The following ZFYVE26 variants were observed in gnomAD, a reference collection of about 807,000 sequenced individuals.
The protein encoded by ZFYVE26 is zinc finger FYVE-type containing 26.
In ZFYVE26, 181 loss-of-function variants were observed where a neutral mutation model predicts 276.5. That is an observed-to-expected ratio of 0.65 (90% CI 0.58 to 0.74). The LOEUF is 0.74. Among genes scored for constraint, ZFYVE26 ranks in the 30% least tolerant of loss-of-function variants. The pLI, the probability that ZFYVE26 is intolerant of heterozygous loss-of-function variation, is 0.00. For missense variants in ZFYVE26, 2,821 were observed against 3,097.9 expected, an observed-to-expected ratio of 0.91 and a Z score of 2.12; for synonymous variants, 1,129 against 1,203.1, an observed-to-expected ratio of 0.94 and a Z score of 1.27.
intron 16 of ZFYVE26, among the ~76,000 whole-genome samples, chr14:67,788,664 TCTC>T (rs543224331): frequency 3.0e-4 from 46 of 152,268 alleles, no homozygotes; most frequent in African/African-American, 1.1e-3. Context: ...TCTTGAGAGT[TCTC>T]CTAGAGAATC....
chr14:67,774,531 G>A (rs988045985), intron 27 of ZFYVE26, among the ~76,000 whole-genome samples: 3 of 152,136 alleles, frequency 2.0e-5, no homozygotes, highest in African/African-American at 7.2e-5. Context: ...GATGGGGATG[G>A]TAGCGGACAG....
At chr14:67,730,595 A>G (rs867724871) in intron 13 of ZFYVE26, among the ~76,000 whole-genome samples, 7 of 152,280 alleles carry the variant, frequency 4.6e-5, no homozygotes, top group South Asian at 2.1e-4. Flanking sequence ...AATCCTAAAT[A>G]CTTCTGATCC....
intron 14 of ZFYVE26, among the ~76,000 whole-genome samples, chr14:67,791,677 G>A (rs550052094): frequency 5.9e-5 from 9 of 151,326 alleles, no homozygotes; most frequent in South Asian, 4.2e-4. Flanking sequence ...AAAAGACCAC[G>A]GCTCAAGAAA....
Position 67,789,615 on chromosome 14 carries a change from G to C in ZFYVE26, c.2756-17C>G. On this transcript the variant is annotated splice_polypyrimidine_tract_variant and intron_variant, in intron 15 of 41. Coordinates refer to ENST00000347230, the MANE Select transcript of ZFYVE26 (RefSeq NM_015346.4). ...ACACCATTCCTGGCCGCCCAGCAGA[G>C]GAATAAAAAGCAAAGGGTTAAAAGG... 6.2e-7 allele frequency: 1 copy of C among 1,613,886 alleles called. No individual in the cohort carries two copies. Among genetic ancestry groups the C allele is most frequent in the Non-Finnish European group, 8.5e-7 (1 of 1,180,036 alleles).
chr14:67,806,467 T>C (rs2040182137), intron 6 of ZFYVE26, 78 bp downstream of exon 6: 4 of 1,582,158 alleles, frequency 2.5e-6, no homozygotes, highest in African/African-American at 2.7e-5. Context: ...GCCAAATGAG[T>C]GGGAGAGAAA....
intron 22 of ZFYVE26, among the ~76,000 whole-genome samples, chr14:67,780,585 C>T (rs2039473362): frequency 6.6e-6 from 1 of 152,158 alleles, no homozygotes; most frequent in Admixed American, 6.5e-5. Flanking sequence ...GGGCCTTTCA[C>T]TAGTGAAGAC....
intron 31 of ZFYVE26, 123 bp downstream of exon 31, chr14:67,767,581 C>T: frequency 7.7e-7 from 1 of 1,304,060 alleles, no homozygotes; most frequent in Admixed American, 1.7e-5. Flanking sequence ...ACTGGTTTAG[C>T]TCCCATATTA....
chr14:67,756,085 G>A lies in ZFYVE26; in HGVS notation c.6649C>T (p.Leu2217=), dbSNP rs149104493. The A allele has an allele frequency of 6.2e-7, 1 of 1,614,222 alleles. No individual in the cohort carries two copies. Among genetic ancestry groups the A allele is most frequent in the South Asian group, 1.1e-5 (1 of 91,090 alleles). The change falls in exon 36 of 42, where the codon CTA becomes TTA. Residue 2217 remains leucine (L), a synonymous_variant. Transcript: ENST00000347230. ...IFQPSYKSGK[L]HTLENLLESI... ...TCTAGCAAGTTCTCCAAAGTGTGTA[G>A]CTTCCCACTTTTATAGCTTGGTTGG...
rs2039592850 is a variant in ZFYVE26, at chr14:67,784,346, A to G, written c.3614T>C (p.Val1205Ala). ...AGGTGGCTCCTACCTCTCTGGGGGA[A>G]CTTGTCTCTCAAACAGGAGATGTGA... The part of the protein sequence containing the change: ...LVSHLLFERQ[V>A]PPERLAALLA... The change falls in exon 20 of 42, where the codon GTT (valine) becomes GCT (alanine). Residue 1205 changes from valine to alanine, a missense_variant. Physicochemically the swap from Val to Ala is moderately conservative, Grantham distance 64. Transcript: ENST00000347230. 6.2e-7 allele frequency: 1 copy of G among 1,613,946 alleles called. No homozygotes were observed. The highest frequency in any genetic ancestry group is 8.5e-7 in the Non-Finnish European group (1 of 1,179,974).
In ZFYVE26 at chr14:67,792,913, CAAAAAA is replaced by C. The variant is rs34041446; in HGVS notation, c.2553+689_2553+694del. ...CTGGGTGACAAAAGCAAATCTGTCTCAAAAAAAAAAAAAAAAAAAAAGAAAAGGAAA... is the reference window on the plus strand; with the variant it reads ...CTGGGTGACAAAAGCAAATCTGTCTCAAAAAAAAAAAAAAAGAAAAGGAAA... On this transcript the variant is annotated intron_variant, in intron 14 of 41. Coordinates refer to ENST00000347230, the MANE Select transcript of ZFYVE26 (RefSeq NM_015346.4). 1.4e-4 allele frequency among the ~76,000 whole-genome samples: 8 copies of C among 56,810 alleles called. No individual in the cohort carries two copies. The East Asian group carries it at 3.5e-3, about 25-fold the overall frequency. The allele number at this position is 56,810 out of a possible 152,430, so 37.3% of individuals were successfully genotyped here.
intron 38 of ZFYVE26, 66 bp from the exon 39 acceptor site, chr14:67,753,832 T>A: frequency 1.3e-6 from 2 of 1,565,970 alleles, no homozygotes; most frequent in Non-Finnish European, 8.8e-7. Context: ...TGACCAAGAA[T>A]GAAGGCCTCT....
In ZFYVE26 at chr14:67,805,942, G is replaced by A. The variant is rs1402259346; in HGVS notation, c.1018-324C>T. 3.3e-5 allele frequency among the ~76,000 whole-genome samples: 5 copies of A among 152,200 alleles called. No individual in the cohort carries two copies. The East Asian group carries it at 7.7e-4, about 24-fold the overall frequency. On this transcript the variant is annotated intron_variant, in intron 6 of 41. Transcript: ENST00000347230. ...CTTGGGAGGCTGAGGCAGGAGAATC[G>A]CTTGAACCCAGGAGGCAGAGGTTGC...
At chr14:67,763,850 G>A (rs571355288) in intron 32 of ZFYVE26, among the ~76,000 whole-genome samples, 1 of 152,220 alleles carries the variant, frequency 6.6e-6, no homozygotes, top group Non-Finnish European at 1.5e-5. Context: ...TATGTTAGGG[G>A]CTTACAAGTG....
chr14:67,794,033 T>G, intron 13 of ZFYVE26, 138 bp downstream of exon 13: 1 of 1,003,992 alleles, frequency 1.0e-6, no homozygotes, highest in Non-Finnish European at 1.6e-6. Context: ...CTTTCCCTTC[T>G]CCCAGCTAAA....
chr14:67,793,603 C>G lies in ZFYVE26; in HGVS notation c.2553+5G>C. 11 of 1,613,314 alleles carry G rather than the reference C, an allele frequency of 6.8e-6. No homozygotes were observed. The highest frequency in any genetic ancestry group is 9.3e-6 in the Non-Finnish European group (11 of 1,179,648). On this transcript the variant is annotated splice_donor_5th_base_variant and intron_variant, in intron 14 of 41. Transcript: ENST00000347230. ...AGGGGCTGAAAAGGTATGGCCTCCC[C>G]TCACCTGATGGGCTTCTGCGAAGTT...
chr14:67,734,926 G>A (rs742865), intron 13 of ZFYVE26, among the ~76,000 whole-genome samples: 17,902 of 152,162 alleles, frequency 0.12, 1,088 homozygotes, highest in Admixed American at 0.14. Context: ...GTACAGGGCT[G>A]GGAGTGGATA....
chr14:67,762,094 G>A, intron 34 of ZFYVE26, 109 bp downstream of exon 34: 1 of 1,360,124 alleles, frequency 7.4e-7, no homozygotes, highest in Non-Finnish European at 1.0e-6. Flanking sequence ...GCTTGATGCT[G>A]AGCCAGGACT....
At chr14:67,759,313 T>C (rs187584570) in intron 35 of ZFYVE26, among the ~76,000 whole-genome samples, 58 of 125,908 alleles carry the variant, frequency 4.6e-4, no homozygotes, top group African/African-American at 1.6e-3. Context: ...AAATAGCACA[T>C]AAAGATTCGT....
At chr14:67,797,550 TG>T in intron 12 of ZFYVE26, 121 bp downstream of exon 12, 1 of 1,086,902 alleles carries the variant, frequency 9.2e-7, no homozygotes, top group Non-Finnish European at 1.4e-6. Context: ...CTTGAGGGAG[TG>T]GGAATAGGAT....
Sources: gnomAD v4.1 joint callset for allele counts (sites outside exome capture counted in the v4.1 genomes callset) on GRCh38, gnomAD v4.1.1 for gene constraint, MANE v1.5 for transcripts, NCBI Gene and HGNC (gene_info 2026-07-23, HGNC 2026-07-21) for gene names.